CPNE8: variants seen among roughly 807,000 people sequenced by gnomAD.
The protein encoded by CPNE8 is copine 8, also known as copine-8.
In CPNE8, 45 loss-of-function variants were observed where a neutral mutation model predicts 81.5. The ratio of observed to expected loss-of-function variants is 0.55; its 90% CI spans 0.44 to 0.71. CPNE8 has a LOEUF of 0.71. Ranked by LOEUF, CPNE8 falls within the 30% of genes least tolerant of loss-of-function variation. CPNE8 has a pLI of 0.00. For missense variants in CPNE8, 594 were observed against 672.1 expected (o/e 0.88, Z 1.28); for synonymous variants, 252 against 226.3 (o/e 1.11, Z -1.02).
At chr12:38,809,092 T>TAAAATTGCCAAAA (rs2136982135) in intron 6 of CPNE8, among the ~76,000 whole-genome samples, 1 of 152,296 alleles carries the variant, frequency 6.6e-6, no homozygotes, top group South Asian at 2.1e-4. Flanking sequence ...TTCAAGCTGC[T>TAAAATTGCCAAAA]TATGTCAGTT....
At chr12:38,736,318 T>A (rs962725268) in intron 10 of CPNE8, among the ~76,000 whole-genome samples, 1 of 151,642 alleles carries the variant, frequency 6.6e-6, no homozygotes, top group Non-Finnish European at 1.5e-5. Context: ...TTTATTAATT[T>A]TATTTTCACC....
At chr12:38,711,396 A>G (rs887646409) in intron 13 of CPNE8, among the ~76,000 whole-genome samples, 5 of 152,146 alleles carry the variant, frequency 3.3e-5, no homozygotes, top group Non-Finnish European at 7.3e-5. Flanking sequence ...TATCTGCAGC[A>G]TAACAAACTG....
At chr12:38,712,205 AT>A (rs200471171) in intron 13 of CPNE8, among the ~76,000 whole-genome samples, 6,601 of 135,878 alleles carry the variant, frequency 0.049, 241 homozygotes, top group African/African-American at 0.11. Flanking sequence ...CAATGATGCC[AT>A]TTTTTTTTTT....
intron 7 of CPNE8, among the ~76,000 whole-genome samples, chr12:38,771,560 T>C (rs1474077646): frequency 6.6e-6 from 1 of 152,206 alleles, no homozygotes; most frequent in Non-Finnish European, 1.5e-5. Context: ...AAAATTTGCA[T>C]TTGAATAAAA....
intron 6 of CPNE8, among the ~76,000 whole-genome samples, chr12:38,792,110 G>A (rs1294027713): frequency 1.3e-5 from 2 of 150,270 alleles, no homozygotes; most frequent in African/African-American, 4.9e-5. Context: ...GTTTATAGCT[G>A]TAAACATATA....
At position 38,806,568 on chromosome 12, in the gene CPNE8, A is replaced by C. The variant is rs1412374578; in HGVS notation, c.407+22811T>G. Among the ~76,000 whole-genome samples the C allele has an allele frequency of 1.3e-5, 2 of 149,498 alleles. 1 individual carries two copies. The highest frequency in any genetic ancestry group is 4.5e-4 in the East Asian group (2 of 4,472). On this transcript the variant is annotated intron_variant, in intron 6 of 19. Coordinates refer to ENST00000331366, the MANE Select transcript of CPNE8 (RefSeq NM_153634.3). ...AATTCAACAACCCTTCATGCTAAAA[A>C]CTCTCAATAAATTAGGTACTGATGG...
At chr12:38,749,349 C>G (rs1346518476) in intron 10 of CPNE8, among the ~76,000 whole-genome samples, 1 of 150,504 alleles carries the variant, frequency 6.6e-6, no homozygotes, top group Admixed American at 6.6e-5. Flanking sequence ...TTATCAGCAG[C>G]CTGAAAACAG....
chr12:38,714,221 T>C (rs1446909347), intron 13 of CPNE8, among the ~76,000 whole-genome samples: 1 of 152,096 alleles, frequency 6.6e-6, no homozygotes, highest in Non-Finnish European at 1.5e-5. Context: ...ATAATAATAA[T>C]TGAAATAATT....
At chr12:38,704,933 T>G (rs1340697481) in intron 13 of CPNE8, among the ~76,000 whole-genome samples, 5 of 125,992 alleles carry the variant, frequency 4.0e-5, no homozygotes, top group Admixed American at 3.3e-4. Context: ...TTTTTTTTTT[T>G]GCTGATGGAA....
At chr12:38,797,980 G>A (rs186222298) in intron 6 of CPNE8, among the ~76,000 whole-genome samples, 2,163 of 152,180 alleles carry the variant, frequency 0.014, 54 homozygotes, top group African/African-American at 0.046. Flanking sequence ...GAAATGAAGC[G>A]AGAAGGGAAG....
intron 6 of CPNE8, among the ~76,000 whole-genome samples, chr12:38,820,202 C>T (rs1943091373): frequency 1.3e-5 from 2 of 151,966 alleles, no homozygotes; most frequent in Non-Finnish European, 2.9e-5. Context: ...ATCAGGAGTT[C>T]AAGATCAGCC....
In CPNE8 at chr12:38,858,290, GC is replaced by G. The variant is rs1296598957; in HGVS notation, c.187-9629del. 2.0e-5 allele frequency among the ~76,000 whole-genome samples: 3 copies of G among 152,178 alleles called. No individual in the cohort carries two copies. The South Asian group carries it at 6.2e-4, about 31-fold the overall frequency. The stretch of plus-strand genomic sequence containing the variant: ...GATGGTTATGATGCAGTTCCGTCGA[GC>G]CCCAAAATTGGGGCTTATCCTGGGA... On this transcript the variant is annotated intron_variant, in intron 3 of 19. Coordinates refer to ENST00000331366, the MANE Select transcript of CPNE8 (RefSeq NM_153634.3).
intron 10 of CPNE8, among the ~76,000 whole-genome samples, chr12:38,739,379 C>T (rs1256437389): frequency 6.6e-6 from 1 of 151,984 alleles, no homozygotes; most frequent in African/African-American, 2.4e-5. Flanking sequence ...TAATGAGTTC[C>T]CCAGAGACAT....
intron 3 of CPNE8, among the ~76,000 whole-genome samples, chr12:38,872,062 A>G (rs368600004): frequency 8.6e-5 from 13 of 151,978 alleles, no homozygotes; most frequent in African/African-American, 2.9e-4. Flanking sequence ...TTGAACCTGG[A>G]AGGCAGAGGT....
chr12:38,776,129 G>A (rs1056934818), intron 7 of CPNE8, 109 bp downstream of exon 7: 3 of 465,364 alleles, frequency 6.4e-6, no homozygotes, highest in Admixed American at 3.0e-5. Context: ...TTATAAAATT[G>A]TATAACACTT....
At chr12:38,778,621 C>T (rs540033466) in intron 6 of CPNE8, among the ~76,000 whole-genome samples, 1 of 152,274 alleles carries the variant, frequency 6.6e-6, no homozygotes, top group Non-Finnish European at 1.5e-5. Flanking sequence ...TCCTAGGCAG[C>T]CTTACACAAA....
At chr12:38,801,131 C>T (rs1309780334) in intron 6 of CPNE8, among the ~76,000 whole-genome samples, 11 of 71,336 alleles carry the variant, frequency 1.5e-4, no homozygotes, top group South Asian at 1.6e-3. Flanking sequence ...GGCAGGCCAA[C>T]GTTCAGATTC....
Position 38,653,931 on chromosome 12 carries a change from G to T in CPNE8, c.1646C>A (p.Ala549Glu). The part of the protein sequence containing the change: ...MRARGIKPSP[A>E]PPPYTPPTHV... Reference sequence around the variant, plus strand: ...TGTAGGTGGGGTGTATGGGGGAGGCGCAGGTGATGGCTTGATTCCTCGGGC... The same window carrying T: ...TGTAGGTGGGGTGTATGGGGGAGGCTCAGGTGATGGCTTGATTCCTCGGGC... Residue 549 changes from alanine to glutamate, a missense_variant, in exon 20 of 20, where the codon GCG becomes GAG. Ala to Glu is a moderately radical substitution (Grantham distance 107). Transcript: ENST00000331366. The T allele has an allele frequency of 6.2e-7, 1 of 1,613,398 alleles. No individual in the cohort carries two copies. The highest frequency in any genetic ancestry group is 8.5e-7 in the Non-Finnish European group (1 of 1,179,896).
chr12:38,818,271 GCTCTCC>G (rs1368606445), intron 6 of CPNE8, among the ~76,000 whole-genome samples: 2 of 152,098 alleles, frequency 1.3e-5, no homozygotes, highest in African/African-American at 4.8e-5. Flanking sequence ...TTTTCCTAAT[GCTCTCC>G]CTCCCCTGGT....
Sources: gnomAD v4.1 joint callset for allele counts (sites outside exome capture counted in the v4.1 genomes callset) on GRCh38, gnomAD v4.1.1 for gene constraint, MANE v1.5 for transcripts, NCBI Gene and HGNC (gene_info 2026-07-23, HGNC 2026-07-21) for gene names.